Variants in PTPRD observed in about 807,000 individuals in gnomAD.
PTPRD encodes receptor-type tyrosine-protein phosphatase delta.
Under a neutral mutation model 214.5 loss-of-function variants are expected in PTPRD, and 34 were observed. The observed-to-expected ratio is 0.16, with a 90% CI of 0.12 to 0.21. PTPRD has a LOEUF of 0.21. Among genes scored for constraint, PTPRD ranks in the 10% least tolerant of loss-of-function variants. The pLI is 1.00. For synonymous variants in PTPRD, 1,128 were observed against 845.7 expected (o/e 1.33, Z -5.79); for missense variants, 2,545 against 2,398.7 (o/e 1.06, Z -1.27).
At chr9:8,378,126 G>A (rs1158664642) in intron 37 of PTPRD, among the ~76,000 whole-genome samples, 1 of 151,986 alleles carries the variant, frequency 6.6e-6, no homozygotes, top group Non-Finnish European at 1.5e-5. Context: ...AACAAAAATT[G>A]TCCACAGTAA....
chr9:8,618,518 T>C (rs2095688148), intron 14 of PTPRD, among the ~76,000 whole-genome samples: 1 of 152,058 alleles, frequency 6.6e-6, no homozygotes. Context: ...ACTTGCTAGA[T>C]TCTCAGACCA....
chr9:9,962,571 G>A (rs187429163), intron 4 of PTPRD, among the ~76,000 whole-genome samples: 3 of 152,024 alleles, frequency 2.0e-5, no homozygotes, highest in African/African-American at 7.2e-5. Flanking sequence ...TGTAAACTCC[G>A]TTGCCCTTTT....
At chr9:10,297,920 A>C (rs2095732899) in intron 3 of PTPRD, among the ~76,000 whole-genome samples, 1 of 152,098 alleles carries the variant, frequency 6.6e-6, no homozygotes, top group Non-Finnish European at 1.5e-5. Flanking sequence ...AAGCTCTGCT[A>C]CTATGGTGGC....
intron 3 of PTPRD, among the ~76,000 whole-genome samples, chr9:10,058,045 C>T (rs573047801): frequency 3.9e-5 from 6 of 152,012 alleles, no homozygotes; most frequent in South Asian, 2.1e-4. Flanking sequence ...TGCCAGTATA[C>T]GGGTATGTGT....
intron 14 of PTPRD, among the ~76,000 whole-genome samples, chr9:8,623,503 A>G (rs1018584925): frequency 6.6e-6 from 1 of 151,890 alleles, no homozygotes; most frequent in African/African-American, 2.4e-5. Context: ...CTGTGCCAAA[A>G]AGTTCTGCTT....
intron 3 of PTPRD, among the ~76,000 whole-genome samples, chr9:10,034,177 T>G (rs2097134029): frequency 6.6e-6 from 1 of 152,092 alleles, no homozygotes; most frequent in African/African-American, 2.4e-5. Flanking sequence ...TAAAAGTTCA[T>G]GCTGTAGGAC....
intron 7 of PTPRD, among the ~76,000 whole-genome samples, chr9:9,698,897 T>A (rs1331738672): frequency 6.6e-6 from 1 of 152,206 alleles, no homozygotes; most frequent in Non-Finnish European, 1.5e-5. Flanking sequence ...TACTTCTCTG[T>A]AGCCTCAGAT....
At chr9:9,343,041 G>A (rs1055491243) in intron 9 of PTPRD, among the ~76,000 whole-genome samples, 4 of 152,090 alleles carry the variant, frequency 2.6e-5, no homozygotes, top group Admixed American at 6.6e-5. Context: ...CTTCATCCAT[G>A]TCCCTGCAAA....
intron 8 of PTPRD, among the ~76,000 whole-genome samples, chr9:9,411,493 T>C (rs1406012163): frequency 6.6e-6 from 1 of 152,162 alleles, no homozygotes; most frequent in Non-Finnish European, 1.5e-5. Context: ...AATTACTCTT[T>C]TACTCTAAAA....
At chr9:9,940,567 T>C (rs1447068781) in intron 4 of PTPRD, among the ~76,000 whole-genome samples, 1 of 152,178 alleles carries the variant, frequency 6.6e-6, no homozygotes, top group Non-Finnish European at 1.5e-5. Flanking sequence ...TCATTATCTG[T>C]ACAACAGAGA....
chr9:8,932,049 C>G (rs2098956613), intron 11 of PTPRD, among the ~76,000 whole-genome samples: 1 of 152,126 alleles, frequency 6.6e-6, no homozygotes, highest in South Asian at 2.1e-4. Flanking sequence ...TGATTCTTCT[C>G]TCTTTTCTTC....
chr9:9,545,760 G>A (rs1030457272), intron 8 of PTPRD, among the ~76,000 whole-genome samples: 49 of 151,564 alleles, frequency 3.2e-4, no homozygotes, highest in African/African-American at 1.2e-3. Context: ...CTCCAACTTT[G>A]TTCATTATTG....
chr9:9,516,575 G>C (rs112004646), intron 8 of PTPRD, among the ~76,000 whole-genome samples: 20 of 150,846 alleles, frequency 1.3e-4, no homozygotes, highest in African/African-American at 4.9e-4. Context: ...TTCTTGCTCT[G>C]TTGCCAGGCT....
At chr9:9,470,871 T>C (rs1005867839) in intron 8 of PTPRD, among the ~76,000 whole-genome samples, 2 of 152,176 alleles carry the variant, frequency 1.3e-5, no homozygotes, top group Non-Finnish European at 2.9e-5. Context: ...TCAGGCAAGA[T>C]AAAACTACAG....
chr9:9,591,303 T>C (rs572444222), intron 7 of PTPRD, among the ~76,000 whole-genome samples: 25 of 152,068 alleles, frequency 1.6e-4, no homozygotes, highest in African/African-American at 5.8e-4. Context: ...CCAAAGACCA[T>C]ACCAGATGAC....
At chr9:9,368,778 A>ACTT (rs912212424) in intron 9 of PTPRD, among the ~76,000 whole-genome samples, 16 of 152,008 alleles carry the variant, frequency 1.1e-4, no homozygotes, top group African/African-American at 3.6e-4. Flanking sequence ...TTATTATTAT[A>ACTT]CTTTAAGTTT....
intron 4 of PTPRD, among the ~76,000 whole-genome samples, chr9:9,946,412 G>A (rs376500752): frequency 5.3e-5 from 8 of 152,062 alleles, no homozygotes; most frequent in East Asian, 3.9e-4. Flanking sequence ...GAGGTTATAC[G>A]TTAAATTGTG....
At chr9:9,318,102 C>A (rs562399350) in intron 9 of PTPRD, among the ~76,000 whole-genome samples, 8 of 151,650 alleles carry the variant, frequency 5.3e-5, no homozygotes, top group African/African-American at 1.9e-4. Flanking sequence ...ACCAGGGATG[C>A]GGAGGTTGCA....
chr9:10,346,617 C>T (rs1449518135), intron 2 of PTPRD, among the ~76,000 whole-genome samples: 2 of 152,152 alleles, frequency 1.3e-5, no homozygotes, highest in South Asian at 2.1e-4. Context: ...CATGATGAGG[C>T]ATTATCTTTT....
Sources: allele counts gnomAD v4.1 joint callset (sites outside exome capture counted in the v4.1 genomes callset), GRCh38; gene constraint gnomAD v4.1.1; transcripts MANE v1.5; gene names NCBI Gene and HGNC (gene_info 2026-07-23, HGNC 2026-07-21).